ARHGAP26: variants seen among roughly 807,000 people sequenced by gnomAD.
ARHGAP26 encodes rho GTPase-activating protein 26.
ARHGAP26 carries 38 observed loss-of-function variants against 104.8 expected under a neutral mutation model. The observed-to-expected ratio is 0.36, with a 90% CI of 0.28 to 0.48. The LOEUF (loss-of-function observed/expected upper bound fraction) is 0.48, where lower values mean the gene tolerates loss of function less well. Among genes scored for constraint, ARHGAP26 ranks in the 20% least tolerant of loss-of-function variants. The pLI is 0.99. For synonymous variants in ARHGAP26, 341 were observed against 340.0 expected, an observed-to-expected ratio of 1.00 and a Z score of -0.03; for missense variants, 704 against 947.9, an observed-to-expected ratio of 0.74 and a Z score of 3.38.
At position 143,121,531 on chromosome 5, in the gene ARHGAP26, T is replaced by C. The variant is rs183873494; in HGVS notation, c.1698+384T>C. Reference sequence around the variant, plus strand: ...TTTGCCCATTTCTTACTTGATTGTTTTCTTATGAATTTATGAGTTTTTTAA... The same window carrying C: ...TTTGCCCATTTCTTACTTGATTGTTCTCTTATGAATTTATGAGTTTTTTAA... On this transcript the variant is annotated intron_variant, in intron 18 of 22. Transcript: ENST00000645722. 3.3e-5 allele frequency among the ~76,000 whole-genome samples: 5 copies of C among 152,376 alleles called. No homozygotes were observed. The East Asian group carries it at 9.6e-4, about 29-fold the overall frequency.
intron 1 of ARHGAP26, among the ~76,000 whole-genome samples, chr5:142,841,707 G>T (rs1371136956): frequency 6.6e-6 from 1 of 152,226 alleles, no homozygotes; most frequent in Non-Finnish European, 1.5e-5. Flanking sequence ...TTTTGTTGGA[G>T]GGCAGTTGCT....
chr5:143,058,449 T>G (rs1786185570), intron 17 of ARHGAP26, among the ~76,000 whole-genome samples: 1 of 152,270 alleles, frequency 6.6e-6, no homozygotes, highest in Non-Finnish European at 1.5e-5. Flanking sequence ...TCCTTGACCC[T>G]TTCACAAATG....
Position 142,905,136 on chromosome 5 carries a change from A to C in ARHGAP26, c.832+1467A>C, listed in dbSNP as rs138157096. 3.2e-4 allele frequency among the ~76,000 whole-genome samples: 48 copies of C among 152,352 alleles called. 1 individual carries two copies. The highest frequency in any genetic ancestry group is 1.1e-3 in the African/African-American group (44 of 41,582). ...CTTTGCCCAGTGAGAAGATCCCTGC[A>C]AAAGGTTTTAGGTCTACTTGAAAAT... is the stretch of plus-strand genomic sequence containing the variant. On this transcript the variant is annotated intron_variant, in intron 8 of 22. Coordinates refer to ENST00000645722, the MANE Select transcript of ARHGAP26 (RefSeq NM_001135608.3).
chr5:142,978,626 A>G (rs1773476189), intron 11 of ARHGAP26, among the ~76,000 whole-genome samples: 1 of 152,210 alleles, frequency 6.6e-6, no homozygotes. Flanking sequence ...TAGAGTTCTC[A>G]GTGCATTTGA....
At chr5:142,847,835 C>G (rs1163897588) in intron 1 of ARHGAP26, among the ~76,000 whole-genome samples, 1 of 152,180 alleles carries the variant, frequency 6.6e-6, no homozygotes, top group African/African-American at 2.4e-5. Flanking sequence ...CATCTGGACA[C>G]CTGGAGGTGG....
At position 143,223,589 on chromosome 5, in the gene ARHGAP26, C is replaced by T. The variant is rs1262742905; in HGVS notation, c.*1143C>T. 4.3e-6 allele frequency: 1 copy of T among 232,212 alleles called. No homozygotes were observed. The highest frequency in any genetic ancestry group is 5.6e-5 in the Admixed American group (1 of 17,730). 14.4% of individuals were successfully genotyped at this position (232,212 alleles called of 1,614,324 possible). On this transcript the variant is annotated 3_prime_UTR_variant, in exon 23 of 23. Transcript: ENST00000645722. Reference sequence around the variant, plus strand: ...ACCCACCACTGGCCAGCCCCCTTGCCCTACTCTGGGCTGCTGAACACTGGT... The same window carrying T: ...ACCCACCACTGGCCAGCCCCCTTGCTCTACTCTGGGCTGCTGAACACTGGT...
intron 4 of ARHGAP26, among the ~76,000 whole-genome samples, chr5:142,880,301 C>T (rs1756772739): frequency 2.0e-5 from 3 of 152,134 alleles, no homozygotes; most frequent in Admixed American, 6.5e-5. Context: ...GGGCAGATCA[C>T]GAGGTCAGGA....
At chr5:143,051,535 C>A (rs186806733) in intron 14 of ARHGAP26, among the ~76,000 whole-genome samples, 11 of 152,238 alleles carry the variant, frequency 7.2e-5, no homozygotes, top group Admixed American at 7.2e-4. Flanking sequence ...CATCAGGAAG[C>A]TTTTGTAAGT....
intron 21 of ARHGAP26, among the ~76,000 whole-genome samples, chr5:143,213,429 G>A (rs1363088504): frequency 6.6e-6 from 1 of 152,012 alleles, no homozygotes; most frequent in African/African-American, 2.4e-5. Flanking sequence ...TCCCCTGGGG[G>A]TTGGAGAGCT....
chr5:142,812,143 G>A (rs1191579281), intron 1 of ARHGAP26, among the ~76,000 whole-genome samples: 3 of 152,006 alleles, frequency 2.0e-5, no homozygotes, highest in African/African-American at 7.3e-5. Context: ...GCTTCCTGTA[G>A]TATGAGGGTT....
intron 3 of ARHGAP26, among the ~76,000 whole-genome samples, chr5:142,878,095 C>T (rs1598045214): frequency 6.6e-6 from 1 of 152,266 alleles, no homozygotes; most frequent in East Asian, 1.9e-4. Flanking sequence ...TTACATTGTT[C>T]AGTTAGTTCT....
At chr5:143,155,582 C>T (rs1562520586) in intron 20 of ARHGAP26, among the ~76,000 whole-genome samples, 1 of 152,116 alleles carries the variant, frequency 6.6e-6, no homozygotes, top group Non-Finnish European at 1.5e-5. Flanking sequence ...GGGTTTCTTT[C>T]CCAAGCACCA....
chr5:143,004,358 T>A (rs1476233139), intron 11 of ARHGAP26, among the ~76,000 whole-genome samples: 1 of 152,202 alleles, frequency 6.6e-6, no homozygotes, highest in African/African-American at 2.4e-5. Flanking sequence ...CACAGCATGC[T>A]CCATCCACCA....
chr5:143,164,552 G>A (rs963401091), intron 20 of ARHGAP26, among the ~76,000 whole-genome samples: 3 of 152,112 alleles, frequency 2.0e-5, no homozygotes, highest in Admixed American at 6.5e-5. Flanking sequence ...TGCATCCATG[G>A]CTGATTTTTC....
intron 11 of ARHGAP26, among the ~76,000 whole-genome samples, chr5:142,988,391 A>G (rs1397700393): frequency 3.3e-5 from 5 of 151,454 alleles, no homozygotes; most frequent in Non-Finnish European, 4.4e-5. Flanking sequence ...TTTCTTCTTT[A>G]TTAGTCTTGC....
intron 19 of ARHGAP26, among the ~76,000 whole-genome samples, chr5:143,137,359 A>G (rs1022489626): frequency 1.2e-4 from 18 of 152,166 alleles, no homozygotes; most frequent in African/African-American, 4.3e-4. Context: ...TTGGGTTCAG[A>G]TATTGTCAGT....
At chr5:142,790,728 A>G (rs917290049) in intron 1 of ARHGAP26, among the ~76,000 whole-genome samples, 3 of 151,938 alleles carry the variant, frequency 2.0e-5, no homozygotes, top group African/African-American at 7.3e-5. Flanking sequence ...CTTTCCCGCC[A>G]CCTTCTCTTA....
At chr5:142,891,487 G>A (rs1758653016) in intron 5 of ARHGAP26, among the ~76,000 whole-genome samples, 1 of 151,936 alleles carries the variant, frequency 6.6e-6, no homozygotes, top group African/African-American at 2.4e-5. Flanking sequence ...AGAGCTTGTA[G>A]TTTTCTCTTA....
intron 11 of ARHGAP26, among the ~76,000 whole-genome samples, chr5:142,978,616 T>TG (rs1773474319): frequency 6.6e-6 from 1 of 152,208 alleles, no homozygotes; most frequent in African/African-American, 2.4e-5. Flanking sequence ...ACTGACTTCA[T>TG]AGAGTTCTCA....
Sources: gnomAD v4.1 joint callset for allele counts (sites outside exome capture counted in the v4.1 genomes callset) on GRCh38, gnomAD v4.1.1 for gene constraint, MANE v1.5 for transcripts, NCBI Gene and HGNC (gene_info 2026-07-23, HGNC 2026-07-21) for gene names.